REEP1: variants seen among roughly 807,000 people sequenced by gnomAD.
REEP1 encodes receptor expression-enhancing protein 1.
Under a neutral mutation model 40.3 loss-of-function variants are expected in REEP1, and 22 were observed. The observed-to-expected ratio is 0.55, with a 90% CI of 0.39 to 0.78. REEP1 has a LOEUF of 0.78. REEP1 is among the 30% of genes least tolerant of loss of function. REEP1 has a pLI of 0.00. For synonymous variants in REEP1, 116 were observed against 139.2 expected, an observed-to-expected ratio of 0.83 and a Z score of 1.17; for missense variants, 280 against 361.1, an observed-to-expected ratio of 0.78 and a Z score of 1.82.
intron 3 of REEP1, among the ~76,000 whole-genome samples, chr2:86,260,982 T>A (rs17027110): frequency 0.036 from 5,432 of 152,264 alleles, 295 homozygotes; most frequent in African/African-American, 0.12. Flanking sequence ...CCAGAAATAG[T>A]TGTTGAGCAC....
chr2:86,282,293 A>G, intron 1 of REEP1, 51 bp from the exon 2 acceptor site: 1 of 1,350,492 alleles, frequency 7.4e-7, no homozygotes, highest in Non-Finnish European at 1.1e-6. Flanking sequence ...TATCTTATTT[A>G]ATGGAAAATG....
At chr2:86,301,737 C>T (rs542616013) in intron 1 of REEP1, among the ~76,000 whole-genome samples, 1 of 152,288 alleles carries the variant, frequency 6.6e-6, no homozygotes, top group African/African-American at 2.4e-5. Context: ...TTCAAAGTGT[C>T]CTCTAAGTTG....
chr2:86,284,504 G>A (rs913926698), intron 1 of REEP1, among the ~76,000 whole-genome samples: 2 of 152,206 alleles, frequency 1.3e-5, no homozygotes, highest in African/African-American at 4.8e-5. Context: ...GTGACCTTGG[G>A]ACTGAGGTCT....
At chr2:86,297,300 C>CT (rs1490387839) in intron 1 of REEP1, among the ~76,000 whole-genome samples, 2 of 152,242 alleles carry the variant, frequency 1.3e-5, no homozygotes, top group African/African-American at 4.8e-5. Flanking sequence ...TGCTATACCA[C>CT]TTACTAGACA....
At chr2:86,262,842 C>CAG (rs1676937096) in intron 3 of REEP1, among the ~76,000 whole-genome samples, 1 of 152,260 alleles carries the variant, frequency 6.6e-6, no homozygotes, top group African/African-American at 2.4e-5. Context: ...TGTGCACACA[C>CAG]TCAACTCTTT....
intron 7 of REEP1, among the ~76,000 whole-genome samples, chr2:86,226,693 C>T (rs1674728002): frequency 6.7e-6 from 1 of 150,254 alleles, no homozygotes; most frequent in Admixed American, 6.6e-5. Context: ...TGGTCTCGAA[C>T]TCCTGGGCTC....
At chr2:86,305,924 C>T (rs902264399) in intron 1 of REEP1, among the ~76,000 whole-genome samples, 3 of 152,178 alleles carry the variant, frequency 2.0e-5, no homozygotes, top group Middle Eastern at 3.2e-3. Context: ...CAGTTCTCCT[C>T]GGGCCACTCG....
At chr2:86,221,575 C>T (rs1674429196) in intron 7 of REEP1, among the ~76,000 whole-genome samples, 1 of 152,108 alleles carries the variant, frequency 6.6e-6, no homozygotes, top group Non-Finnish European at 1.5e-5. Flanking sequence ...TGAGACCCGA[C>T]AGTGCTTGGA....
intron 3 of REEP1, among the ~76,000 whole-genome samples, chr2:86,256,424 T>C (rs1432018992): frequency 2.0e-5 from 3 of 148,954 alleles, no homozygotes; most frequent in African/African-American, 7.4e-5. Flanking sequence ...GGGCCCAGGC[T>C]CCAGCCACTG....
At chr2:86,218,921 G>A (rs531860148) in intron 8 of REEP1, among the ~76,000 whole-genome samples, 15 of 152,326 alleles carry the variant, frequency 9.8e-5, no homozygotes, top group African/African-American at 3.1e-4. Context: ...GGGTCTGTAC[G>A]GAGACTTCCT....
At chr2:86,292,310 A>G (rs1484923628) in intron 1 of REEP1, among the ~76,000 whole-genome samples, 1 of 152,198 alleles carries the variant, frequency 6.6e-6, no homozygotes, top group Non-Finnish European at 1.5e-5. Flanking sequence ...CCTCCCTTCT[A>G]CAGAAACAGT....
upstream of REEP1, chr2:86,337,670 C>T (rs1255305184): frequency 2.0e-6 from 2 of 1,013,322 alleles, no homozygotes; most frequent in Non-Finnish European, 2.4e-6. This position sits in a 1 kb window ranked among gnomAD's most constrained non-coding sequence, Gnocchi z 5.8. Flanking sequence ...GTTGGCGCAG[C>T]CGCGGCACGT....
intron 1 of REEP1, among the ~76,000 whole-genome samples, chr2:86,286,058 T>C (rs1678377287): frequency 6.6e-6 from 1 of 151,416 alleles, no homozygotes; most frequent in Non-Finnish European, 1.5e-5. Flanking sequence ...ACTGTTACCC[T>C]GAAGCCCCGA....
At chr2:86,218,087 G>A (rs1189644925) in intron 8 of REEP1, among the ~76,000 whole-genome samples, 1 of 152,056 alleles carries the variant, frequency 6.6e-6, no homozygotes, top group African/African-American at 2.4e-5. Flanking sequence ...CTGACTGGAA[G>A]CCCTTCCCTC....
intron 1 of REEP1, among the ~76,000 whole-genome samples, chr2:86,326,055 T>C (rs1680484687): frequency 6.6e-6 from 1 of 152,182 alleles, no homozygotes; most frequent in Admixed American, 6.5e-5. Context: ...GACTTATCCC[T>C]ACAATTTCCA....
rs11350708 is a variant in REEP1 at position 86,215,023 on chromosome 2, C to CTTTTTTTTTTTTTTTTTTTTTTTTT, written c.*2015_*2016insAAAAAAAAAAAAAAAAAAAAAAAAA. 6 of 59,558 alleles carry CTTTTTTTTTTTTTTTTTTTTTTTTT rather than the reference C, an allele frequency of 1.0e-4. No individual in the cohort carries two copies. The highest frequency in any genetic ancestry group is 1.4e-4 in the Non-Finnish European group (5 of 34,808). 3.7% of individuals were successfully genotyped at this position (59,558 alleles called of 1,614,324 possible). A position where few individuals can be genotyped will look rare whatever the true frequency, so the allele number is the denominator to read the frequency against. On this transcript the variant is annotated 3_prime_UTR_variant, in exon 9 of 9. Transcript: ENST00000538924. ...AAAAATTGCTAAGAAGCTGTGTAAG[C>CTTTTTTTTTTTTTTTTTTTTTTTTT]TTTTTTTTTTTTTTTTTTTTTTTGC...
chr2:86,272,051 C>T lies in REEP1; in HGVS notation c.106-8010G>A, dbSNP rs374139798. The stretch of plus-strand genomic sequence containing the variant: ...TAGCCTGACCAACATGGTGAAACCC[C>T]GTCTCTGCTAAAAATACAAAAAATA... On this transcript the variant is annotated intron_variant, in intron 2 of 8. Coordinates refer to ENST00000538924, the MANE Select transcript of REEP1 (RefSeq NM_001371279.1). Among the ~76,000 whole-genome samples, 9 of 152,096 alleles carry T rather than the reference C, an allele frequency of 5.9e-5. No individual in the cohort carries two copies. In the East Asian group the frequency reaches 1.3e-3, roughly 23 times the overall value.
chr2:86,280,077 TG>T (rs2104386521), intron 2 of REEP1: 1 of 456,092 alleles, frequency 2.2e-6, no homozygotes, highest in South Asian at 1.6e-5. Context: ...ACCAACTGGG[TG>T]GGGCGTGGGT....
chr2:86,249,944 G>A (rs78759262), intron 5 of REEP1, among the ~76,000 whole-genome samples: 4,598 of 152,332 alleles, frequency 0.03, 120 homozygotes, highest in East Asian at 0.07. Context: ...AAATTCAACA[G>A]AAAGCAGATG....
Sources: gnomAD v4.1 joint callset for allele counts (sites outside exome capture counted in the v4.1 genomes callset) on GRCh38, gnomAD v4.1.1 for gene constraint, Gnocchi (gnomAD v3.1) non-coding constraint, MANE v1.5 for transcripts, NCBI Gene and HGNC (gene_info 2026-07-23, HGNC 2026-07-21) for gene names.